The following DNAAF8 variants were observed in gnomAD, a reference collection of about 807,000 sequenced individuals.
DNAAF8 encodes dynein axonemal-associated protein 1.
In DNAAF8, 61 loss-of-function variants were observed where a neutral mutation model predicts 54.6. The ratio of observed to expected loss-of-function variants is 1.12; its 90% CI spans 0.91 to 1.38. The LOEUF (loss-of-function observed/expected upper bound fraction) is 1.38, where lower values mean the gene tolerates loss of function less well. Ranked by LOEUF, DNAAF8 falls within the 40% of genes most tolerant of loss-of-function variation. The pLI is 0.00. For missense variants in DNAAF8, 837 were observed against 665.0 expected (o/e 1.26, Z -2.85); for synonymous variants, 320 against 270.1 (o/e 1.18, Z -1.81).
In DNAAF8 at chr16:4,748,846, TC is replaced by T. The variant is rs397855257; in HGVS notation, c.*135del. The T allele has an allele frequency of 1.5e-4, 23 of 152,426 alleles. No individual in the cohort carries two copies. Among genetic ancestry groups the T allele is most frequent in the African/African-American group, 5.5e-4 (23 of 41,578 alleles). 9.4% of individuals were successfully genotyped at this position (152,426 alleles called of 1,614,324 possible). A position where few individuals can be genotyped will look rare whatever the true frequency, so the allele number is the denominator to read the frequency against. ...GGGCCTTTGGGACAGTGTCCCAGCT[TC>T]CCCTGGGGTTCACCCCTGGCTGCCA... On this transcript the variant is annotated 3_prime_UTR_variant, in exon 10 of 10. Coordinates refer to ENST00000299320, the MANE Select transcript of DNAAF8 (RefSeq NM_139170.3).
At chr16:4,743,653 C>T (rs1238099210) in intron 5 of DNAAF8, 1 of 152,672 alleles carries the variant, frequency 6.5e-6, no homozygotes, top group Non-Finnish European at 1.5e-5. Context: ...CCAACCCCTC[C>T]CTATCCACTC....
At chr16:4,738,887 A>AG (rs1263391812) in intron 3 of DNAAF8, among the ~76,000 whole-genome samples, 1 of 152,020 alleles carries the variant, frequency 6.6e-6, no homozygotes, top group African/African-American at 2.4e-5. Context: ...CTCCATCTAA[A>AG]AAAAAAATAA....
chr16:4,746,990 C>T lies in DNAAF8; in HGVS notation c.1245C>T (p.Asp415=), dbSNP rs749171265. Residue 415 remains aspartate (D), a synonymous_variant, in exon 8 of 10, where the codon GAC becomes GAT. Transcript: ENST00000299320. ...EEEEEMAALG[D]AEGASPSSLG... The stretch of plus-strand genomic sequence containing the variant: ...AGGAAGAGATGGCAGCTCTGGGAGA[C>T]GCAGAGGGGGCATCTCCTTCCTCCC... 2.5e-5 allele frequency: 39 copies of T among 1,542,686 alleles called. No homozygotes were observed. The highest frequency in any genetic ancestry group is 7.2e-5 in the East Asian group (3 of 41,500).
In DNAAF8 at chr16:4,736,492, G is replaced by T; in HGVS notation, c.-23G>T. Reference sequence around the variant, plus strand: ...TCCCCGGATTATGGTGCACTGAGAAGGCATCTGGAAGCCTGGGCCCTCATG... The same window carrying T: ...TCCCCGGATTATGGTGCACTGAGAATGCATCTGGAAGCCTGGGCCCTCATG... On this transcript the variant is annotated 5_prime_UTR_variant, in exon 2 of 10. In the 5' UTR this introduces an upstream ATG that the reference lacks. Transcript: ENST00000299320. The T allele has an allele frequency of 6.6e-7, 1 of 1,521,830 alleles. No individual in the cohort carries two copies. Among genetic ancestry groups the T allele is most frequent in the South Asian group, 1.3e-5 (1 of 78,320 alleles). The allele number at this position is 1,521,830 out of a possible 1,614,324, so 94.3% of individuals were successfully genotyped here.
intron 6 of DNAAF8, 47 bp downstream of exon 6, chr16:4,745,058 C>T: frequency 1.3e-6 from 2 of 1,591,544 alleles, no homozygotes; most frequent in South Asian, 1.1e-5. Flanking sequence ...TTAGAATGGC[C>T]CCATGGTTTT....
chr16:4,739,265 G>GTTTTTTTTTGTTTTTTTTTTTT (rs2081931784), intron 3 of DNAAF8, among the ~76,000 whole-genome samples: 2 of 69,030 alleles, frequency 2.9e-5, no homozygotes, highest in South Asian at 6.4e-4. Context: ...ATTTTTTCTT[G>GTTTTTTTTTGTTTTTTTTTTTT]TTTTTTTTTT....
chr16:4,746,684 GGAA>G (rs1421606287), intron 7 of DNAAF8, 172 bp downstream of exon 7: 88 of 975,244 alleles, frequency 9.0e-5, no homozygotes, highest in Non-Finnish European at 1.3e-4. Context: ...CTGCAGGGAG[GGAA>G]GAGGGGCATG....
chr16:4,740,099 T>G (rs1228084106), intron 3 of DNAAF8, 54 bp from the exon 4 acceptor site: 1 of 1,491,074 alleles, frequency 6.7e-7, no homozygotes, highest in Non-Finnish European at 9.0e-7. Context: ...TGAAAAACAT[T>G]CCCTGAAGCA....
intron 2 of DNAAF8, 101 bp from the exon 3 acceptor site, chr16:4,737,676 CGGGCTGGATGGGCTGGGCGGGCT>C: frequency 8.1e-7 from 1 of 1,234,534 alleles, no homozygotes; most frequent in Non-Finnish European, 1.1e-6. Context: ...CAGGGCTGGA[CGGGCTGGATGGGCTGGGCGGGCT>C]GGGCTGGAAG....
At chr16:4,736,763 T>C (rs1000036408) in intron 2 of DNAAF8, 120 bp downstream of exon 2, 4 of 1,152,624 alleles carry the variant, frequency 3.5e-6, no homozygotes, top group Non-Finnish European at 4.6e-6. Context: ...TGCAGTTTGT[T>C]GTCATTTTAC....
chr16:4,742,238 A>C (rs2081967700), intron 4 of DNAAF8, among the ~76,000 whole-genome samples: 1 of 151,808 alleles, frequency 6.6e-6, no homozygotes, highest in Non-Finnish European at 1.5e-5. Flanking sequence ...ACCTGTATGA[A>C]CCTAAATAGT....
intron 3 of DNAAF8, among the ~76,000 whole-genome samples, chr16:4,739,723 T>G (rs781519052): frequency 1.3e-4 from 19 of 151,678 alleles, no homozygotes; most frequent in South Asian, 6.3e-4. Flanking sequence ...TTTTTGTATT[T>G]TTAGTAGAAT....
At chr16:4,744,835 C>T in intron 5 of DNAAF8, 35 bp from the exon 6 acceptor site, 1 of 1,595,410 alleles carries the variant, frequency 6.3e-7, no homozygotes. Context: ...TGGGCCAAGT[C>T]CCCACTAATC....
In DNAAF8 at chr16:4,736,588, C is replaced by T. The variant is rs1256393239; in HGVS notation, c.74C>T (p.Ala25Val). Residue 25 changes from alanine to valine, a missense_variant, in exon 2 of 10, where the codon GCC becomes GTC. Ala to Val is a moderately conservative substitution (Grantham distance 64). Coordinates refer to ENST00000299320, the MANE Select transcript of DNAAF8 (RefSeq NM_139170.3). ...PWASQMGPWD[A>V]ILKAVKDQLP... ...GCCTCCCAGATGGGGCCCTGGGATG[C>T]CATCCTCAAGGCTGTCAAAGACCAG... The T allele has an allele frequency of 6.3e-7, 1 of 1,590,572 alleles. No individual in the cohort carries two copies.
chr16:4,747,157 C>G, intron 8 of DNAAF8, 132 bp downstream of exon 8: 1 of 1,202,642 alleles, frequency 8.3e-7, no homozygotes, highest in Non-Finnish European at 1.2e-6. Context: ...AGGGGGACGG[C>G]ACAGCTTTCA....
chr16:4,735,971 A>T (rs1194297369), intron 1 of DNAAF8, among the ~76,000 whole-genome samples: 2 of 152,066 alleles, frequency 1.3e-5, no homozygotes, highest in Non-Finnish European at 2.9e-5. Context: ...CAAAAAAGCA[A>T]GGTGTCTTCT....
At position 4,740,626 on chromosome 16, in the gene DNAAF8, G is replaced by C; in HGVS notation, c.750G>C (p.Glu250Asp). The C allele has an allele frequency of 1.2e-6, 2 of 1,609,294 alleles. No homozygotes were observed. The highest frequency in any genetic ancestry group is 1.7e-6 in the Non-Finnish European group (2 of 1,179,460). ...SAPRSKMPLV[E>D]PPEGPPVLSL... is the part of the protein sequence containing the mutation. The stretch of plus-strand genomic sequence containing the variant: ...CCAGATCCAAAATGCCCCTCGTGGA[G>C]CCTCCGGAGGGACCACCAGTGCTCT... Residue 250 changes from glutamate to aspartate, a missense_variant, in exon 4 of 10, where the codon GAG becomes GAC. Glu to Asp is a conservative substitution (Grantham distance 45, BLOSUM62 2). Coordinates refer to ENST00000299320, the MANE Select transcript of DNAAF8 (RefSeq NM_139170.3).
At chr16:4,747,662 G>A in intron 9 of DNAAF8, 28 bp downstream of exon 9, 1 of 1,570,430 alleles carries the variant, frequency 6.4e-7, no homozygotes, top group East Asian at 2.3e-5. Context: ...GTGGGCAGGG[G>A]CGGGCTGACT....
In DNAAF8 at chr16:4,736,561, G is replaced by C; in HGVS notation, c.47G>C (p.Trp16Ser). ...ATGGCACCCTCGCTGGGCTCTCCCT[G>C]GGCCTCCCAGATGGGGCCCTGGGAT... The part of the protein sequence containing the change: ...KGMAPSLGSP[W>S]ASQMGPWDAI... Residue 16 changes from tryptophan (W) to serine (S), a missense_variant, in exon 2 of 10, where the codon TGG becomes TCG. Transcript: ENST00000299320. The C allele has an allele frequency of 6.3e-7, 1 of 1,589,030 alleles. No individual in the cohort carries two copies. Among genetic ancestry groups the C allele is most frequent in the Non-Finnish European group, 8.6e-7 (1 of 1,163,830 alleles).
Sources: gnomAD v4.1 joint callset for allele counts (sites outside exome capture counted in the v4.1 genomes callset) on GRCh38, gnomAD v4.1.1 for gene constraint, MANE v1.5 for transcripts, NCBI Gene and HGNC (gene_info 2026-07-23, HGNC 2026-07-21) for gene names.